The following LSR variants were observed in gnomAD, a reference collection of about 807,000 sequenced individuals.
LSR encodes the protein lipolysis stimulated lipoprotein receptor, also known as lipolysis-stimulated lipoprotein receptor.
In LSR, 44 loss-of-function variants were observed where a neutral mutation model predicts 61.8. That is an observed-to-expected ratio of 0.71 (90% CI 0.56 to 0.91). LSR has a LOEUF of 0.91. Ranked by LOEUF, LSR falls within the 40% of genes least tolerant of loss-of-function variation. The pLI is 0.00. For synonymous variants in LSR, 397 were observed against 350.6 expected (o/e 1.13, Z -1.48); for missense variants, 911 against 830.5 (o/e 1.10, Z -1.19).
intron 2 of LSR, among the ~76,000 whole-genome samples, chr19:35,257,879 A>G (rs12986033): frequency 0.17 from 25,121 of 152,112 alleles, 2,544 homozygotes; most frequent in South Asian, 0.23. Flanking sequence ...GCTGCTTCAG[A>G]CAAGAGCGTC....
In LSR at chr19:35,267,349, G is replaced by A. The variant is rs372088679; in HGVS notation, c.1385G>A (p.Ser462Asn). The A allele has an allele frequency of 5.2e-5, 81 of 1,569,100 alleles. No homozygotes were observed. The Middle Eastern group carries it at 6.7e-4, about 13-fold the overall frequency. The change falls in exon 9 of 10, where the codon AGC becomes AAC. Residue 462 changes from serine (S) to asparagine (N), a missense_variant. Coordinates refer to ENST00000605618, the MANE Select transcript of LSR (RefSeq NM_205834.4). ...LTPPSTAESG[S>N]RSPTSNGGRS... ...CCGCCGAGCACCGCCGAGTCAGGGA[G>A]CAGGTCTCCCACGAGTAATGGTGGG...
rs145169371 is a variant in LSR, at chr19:35,262,904, C to T, written c.778+212C>T. 7.6e-4 allele frequency: 449 copies of T among 593,818 alleles called. 3 individuals carry two copies. In the East Asian group the frequency reaches 0.012, roughly 16 times the overall value. The allele number at this position is 593,818 out of a possible 1,614,324, so 36.8% of individuals were successfully genotyped here. ...TTATTTTTATTTATGTTGTTCTTTT[C>T]TTTTGTAAGTATAATCCATACACAT... On this transcript the variant is annotated intron_variant, in intron 5 of 9. Transcript: ENST00000605618.
intron 3 of LSR, among the ~76,000 whole-genome samples, chr19:35,261,125 C>G (rs1288433463): frequency 2.0e-5 from 3 of 152,128 alleles, no homozygotes; most frequent in Non-Finnish European, 4.4e-5. Flanking sequence ...CCCTCAGACA[C>G]AACACTGGTG....
chr19:35,259,311 A>C, intron 3 of LSR: 1 of 376,368 alleles, frequency 2.7e-6, no homozygotes, highest in Non-Finnish European at 4.8e-6. Context: ...ACAATTGGAG[A>C]CTCTGCCTTT....
chr19:35,262,532 T>A lies in LSR; in HGVS notation c.632-14T>A. ...CCCAGGCCTCCGGGCTCAGGGCCTG[T>A]TGTCTTTCTGCAGACTGGCTCTTCG... On this transcript the variant is annotated splice_polypyrimidine_tract_variant and intron_variant, in intron 4 of 9. Transcript: ENST00000605618. The A allele has an allele frequency of 6.2e-7, 1 of 1,614,164 alleles. No individual in the cohort carries two copies. Among genetic ancestry groups the A allele is most frequent in the Non-Finnish European group, 8.5e-7 (1 of 1,180,016 alleles).
rs1170875043 is a variant in LSR at position 35,267,567 on chromosome 19, G to T, written c.1603G>T (p.Asp535Tyr). The change falls in exon 9 of 10, where the codon GAC becomes TAC. Residue 535 changes from aspartate to tyrosine, a missense_variant. Asp to Tyr is a radical substitution (Grantham distance 160, BLOSUM62 -3). Transcript: ENST00000605618. ...TCGGGACAACGGCTCCAGGTCCGGG[G>T]ACCTCCCCTATGATGGGCGGCTACT... ...DPRDNGSRSG[D>Y]LPYDGRLLEE... is the part of the protein sequence containing the mutation. 1 of 1,612,356 alleles carries T rather than the reference G, an allele frequency of 6.2e-7. No homozygotes were observed. Among genetic ancestry groups the T allele is most frequent in the East Asian group, 2.2e-5 (1 of 44,860 alleles).
At position 35,249,037 on chromosome 19, in the gene LSR, C is replaced by T. The variant is rs1347880943; in HGVS notation, c.15C>T (p.Ala5=). MALL[A]GGLSRGLGSH... ...AGACGGCCGCGATGGCGCTGTTGGC[C>T]GGCGGGCTCTCCAGAGGGCTGGGCT... is the stretch of plus-strand genomic sequence containing the variant. The change falls in exon 1 of 10, where the codon GCC becomes GCT. Residue 5 remains alanine, a synonymous_variant. Transcript: ENST00000605618. 41 of 1,595,538 alleles carry T rather than the reference C, an allele frequency of 2.6e-5. No homozygotes were observed. In the East Asian group the frequency reaches 4.5e-4, roughly 18 times the overall value.
At position 35,266,340 on chromosome 19, in the gene LSR, GTTGA is replaced by G. The variant is rs750070836; in HGVS notation, c.779-15_779-12del. On this transcript the variant is annotated splice_polypyrimidine_tract_variant and intron_variant, in intron 5 of 9. Coordinates refer to ENST00000605618, the MANE Select transcript of LSR (RefSeq NM_205834.4). The stretch of plus-strand genomic sequence containing the variant: ...GCTCCTGCCTCATCCCCCTTCTCCT[GTTGA>G]TTGTGTCCTCACAGTGTATGCCGCC... The G allele has an allele frequency of 7.7e-6, 12 of 1,550,726 alleles. No individual in the cohort carries two copies. Among genetic ancestry groups the G allele is most frequent in the South Asian group, 6.1e-5 (5 of 81,600 alleles).
chr19:35,259,780 C>T (rs761364298), intron 3 of LSR, among the ~76,000 whole-genome samples: 1 of 152,230 alleles, frequency 6.6e-6, no homozygotes, highest in African/African-American at 2.4e-5. Context: ...GCGGTTTTGC[C>T]GTGTGCCCTG....
chr19:35,252,114 G>A (rs1480825082), intron 2 of LSR, among the ~76,000 whole-genome samples: 2 of 151,870 alleles, frequency 1.3e-5, no homozygotes, highest in Non-Finnish European at 2.9e-5. Flanking sequence ...GATTACAGGC[G>A]TGAGCCACCG....
In LSR at chr19:35,252,753, T is replaced by C. The variant is rs1352892784; in HGVS notation, c.454+2094T>C. 2.7e-5 allele frequency among the ~76,000 whole-genome samples: 4 copies of C among 149,514 alleles called. No homozygotes were observed. In the South Asian group the frequency reaches 8.5e-4, roughly 32 times the overall value. On this transcript the variant is annotated intron_variant, in intron 2 of 9. Coordinates refer to ENST00000605618, the MANE Select transcript of LSR (RefSeq NM_205834.4). ...CAGGCTGGGTGCATTGGCTCATGCC[T>C]GTAAATTTCAGCACTTTGGGAGGCC...
At position 35,267,227 on chromosome 19, in the gene LSR, G is replaced by C; in HGVS notation, c.1263G>C (p.Arg421Ser). ...EWGGHSPRSP[R>S]GWDQEPAREQ... is the part of the protein sequence containing the mutation. ...GTGGCCACTCCCCCCGGAGTCCCAG[G>C]GGATGGGACCAGGAGCCCGCCAGGG... Residue 421 changes from arginine to serine, a missense_variant, in exon 9 of 10, where the codon AGG becomes AGC. Transcript: ENST00000605618. The C allele has an allele frequency of 6.6e-7, 1 of 1,524,292 alleles. No homozygotes were observed. Among genetic ancestry groups the C allele is most frequent in the Non-Finnish European group, 8.8e-7 (1 of 1,138,896 alleles). The allele number at this position is 1,524,292 out of a possible 1,614,324, so 94.4% of individuals were successfully genotyped here. A position where few individuals can be genotyped will look rare whatever the true frequency, so the allele number is the denominator to read the frequency against.
intron 2 of LSR, among the ~76,000 whole-genome samples, chr19:35,254,051 G>A (rs1422118043): frequency 2.0e-5 from 3 of 152,184 alleles, no homozygotes; most frequent in Non-Finnish European, 4.4e-5. Context: ...CTTTGAGGAT[G>A]GGGAAAAGTG....
chr19:35,262,211 C>G (rs554178842), intron 4 of LSR, among the ~76,000 whole-genome samples: 1 of 152,122 alleles, frequency 6.6e-6, no homozygotes, highest in Non-Finnish European at 1.5e-5. Flanking sequence ...CTGGCACCTG[C>G]GGTGCTCTTG....
Position 35,250,656 on chromosome 19 carries a change from G to A in LSR, c.451G>A (p.Gly151Arg), listed in dbSNP as rs754064356. ...CCAGGGCCGGAGGATTACCATCACC[G>A]GAAGTATGTTGGGCAGGGCAGGGGG... ...YYQGRRITITGNADLTFDQTA... is the reference protein window; with the variant it reads ...YYQGRRITITRNADLTFDQTA... The change falls in exon 2 of 10, where the codon GGA becomes AGA. Residue 151 changes from glycine to arginine, a missense_variant. Physicochemically the swap from Gly to Arg is moderately radical, Grantham distance 125. Transcript: ENST00000605618. 42 of 1,554,030 alleles carry A rather than the reference G, an allele frequency of 2.7e-5. No individual in the cohort carries two copies. Among genetic ancestry groups the A allele is most frequent in the Non-Finnish European group, 3.4e-5 (39 of 1,142,738 alleles).
At chr19:35,260,788 C>T (rs1460251996) in intron 3 of LSR, among the ~76,000 whole-genome samples, 1 of 152,018 alleles carries the variant, frequency 6.6e-6, no homozygotes, top group Non-Finnish European at 1.5e-5. Flanking sequence ...GACTATGCTA[C>T]TGCACTCTAG....
chr19:35,254,013 A>G (rs73029981), intron 2 of LSR, among the ~76,000 whole-genome samples: 16,525 of 152,212 alleles, frequency 0.11, 1,007 homozygotes, highest in Non-Finnish European at 0.13. Flanking sequence ...AGGAAATCCC[A>G]TAGCCATAGG....
At position 35,267,368 on chromosome 19, in the gene LSR, T is replaced by C. The variant is rs766879141; in HGVS notation, c.1404T>C (p.Asn468=). ...AESGSRSPTS[N]GGRSRAYMPP... ...CAGGGAGCAGGTCTCCCACGAGTAATGGTGGGAGAAGCCGGGCCTACATGC... is the reference window on the plus strand; with the variant it reads ...CAGGGAGCAGGTCTCCCACGAGTAACGGTGGGAGAAGCCGGGCCTACATGC... The change falls in exon 9 of 10, where the codon AAT becomes AAC. Residue 468 remains asparagine, a synonymous_variant. Coordinates refer to ENST00000605618, the MANE Select transcript of LSR (RefSeq NM_205834.4). The C allele has an allele frequency of 2.0e-6, 3 of 1,522,166 alleles. No individual in the cohort carries two copies. Among genetic ancestry groups the C allele is most frequent in the Non-Finnish European group, 1.8e-6 (2 of 1,131,412 alleles). The allele number at this position is 1,522,166 out of a possible 1,614,324, so 94.3% of individuals were successfully genotyped here.
chr19:35,259,216 G>A (rs931660103), intron 3 of LSR, 152 bp downstream of exon 3: 2 of 968,464 alleles, frequency 2.1e-6, no homozygotes, highest in African/African-American at 1.7e-5. Context: ...AGTCACTTAG[G>A]CTCCCCTGTG....
Sources: gnomAD v4.1 joint callset for allele counts (sites outside exome capture counted in the v4.1 genomes callset) on GRCh38, gnomAD v4.1.1 for gene constraint, MANE v1.5 for transcripts, NCBI Gene and HGNC (gene_info 2026-07-23, HGNC 2026-07-21) for gene names.